GLRA2: variants seen among roughly 807,000 people sequenced by gnomAD.
GLRA2 encodes the protein glycine receptor subunit alpha-2.
A neutral mutation model predicts 31.6 loss-of-function variants in GLRA2; 11 were observed. The observed-to-expected ratio is 0.35, with a 90% CI of 0.22 to 0.58. The LOEUF (loss-of-function observed/expected upper bound fraction) is 0.58, where lower values mean the gene tolerates loss of function less well. GLRA2 is among the 20% of genes least tolerant of loss of function. The probability of loss-of-function intolerance (pLI) is 0.84; values close to 1 mark genes in which losing one functional copy is unlikely to be tolerated. For missense variants in GLRA2, 212 were observed against 351.8 expected (o/e 0.60, Z 3.18); for synonymous variants, 132 against 134.0 (o/e 0.99, Z 0.10).
chrX:14,469,765 C>T, the GLRA2 span, among the ~76,000 whole-genome samples: 460 of 105,400 alleles, frequency 4.4e-3, 5 homozygotes, highest in African/African-American at 0.015. Context: ...TTAATGGGTG[C>T]AGCACACCAG....
At chrX:14,496,651 T>C in the GLRA2 span, among the ~76,000 whole-genome samples, 1 of 112,266 alleles carries the variant, frequency 8.9e-6, no homozygotes, top group African/African-American at 3.2e-5. Context: ...AACTGTTTTC[T>C]AGATTCTTCA....
At position 14,708,125 on chromosome X, in the gene GLRA2, T is replaced by C. The variant is rs183070052; in HGVS notation, c.1080+17266T>C. On this transcript the variant is annotated intron_variant, in intron 8 of 8. Transcript: ENST00000218075. ...ACATTAGATCTCCAGAGCTTATTCA[T>C]CTCACAGAACTGAAACTTTGTATCC... 6.4e-3 allele frequency among the ~76,000 whole-genome samples: 714 copies of C among 111,553 alleles called. 3 individuals carry two copies. Among genetic ancestry groups the C allele is most frequent in the Admixed American group, 0.012 (131 of 10,502 alleles).
At chrX:14,682,992 A>G (rs1348909912) in intron 7 of GLRA2, among the ~76,000 whole-genome samples, 1 of 111,586 alleles carries the variant, frequency 9.0e-6, no homozygotes, top group Non-Finnish European at 1.9e-5. Flanking sequence ...GCTATTGTGA[A>G]TAGTGCCGCA....
At chrX:14,653,706 G>T (rs201274234) in intron 7 of GLRA2, among the ~76,000 whole-genome samples, 2 of 112,587 alleles carry the variant, frequency 1.8e-5, no homozygotes, top group East Asian at 5.6e-4. Context: ...TGAGAGGATT[G>T]AATCCAATTT....
At chrX:14,581,023 T>C (rs1358800907) in intron 3 of GLRA2, among the ~76,000 whole-genome samples, 160 bp from the exon 4 acceptor site, 2 of 111,615 alleles carry the variant, frequency 1.8e-5, no homozygotes, top group African/African-American at 6.5e-5. Flanking sequence ...TTGTCCCCTC[T>C]CCTAATAGAA....
At chrX:14,606,299 A>G (rs1450690840) in intron 5 of GLRA2, among the ~76,000 whole-genome samples, 1 of 111,083 alleles carries the variant, frequency 9.0e-6, no homozygotes, top group Non-Finnish European at 1.9e-5. Context: ...AAAGAAGAGT[A>G]GGCTTCATTT....
intron 7 of GLRA2, among the ~76,000 whole-genome samples, chrX:14,648,741 C>T (rs932236223): frequency 9.0e-6 from 1 of 111,488 alleles, no homozygotes; most frequent in African/African-American, 3.3e-5. Flanking sequence ...ATTTAATGCT[C>T]AACATCATTA....
At chrX:14,620,622 C>T (rs991344983) in intron 7 of GLRA2, among the ~76,000 whole-genome samples, 2 of 111,328 alleles carry the variant, frequency 1.8e-5, no homozygotes, top group Non-Finnish European at 3.8e-5. Flanking sequence ...CAAACTAAAG[C>T]AAACCATTTT....
At chrX:14,472,122 G>C in the GLRA2 span, among the ~76,000 whole-genome samples, 1 of 111,993 alleles carries the variant, frequency 8.9e-6, no homozygotes, top group East Asian at 2.8e-4. Context: ...CAGAATAGGT[G>C]ACCAGATCAA....
upstream of GLRA2, among the ~76,000 whole-genome samples, chrX:14,525,662 A>G (rs2089185115): frequency 9.0e-6 from 1 of 111,613 alleles, no homozygotes; most frequent in Admixed American, 9.5e-5. Flanking sequence ...TGTTAGAGGT[A>G]GAACTCGAAT....
intron 7 of GLRA2, among the ~76,000 whole-genome samples, chrX:14,646,411 A>G (rs1327116371): frequency 8.9e-6 from 1 of 112,397 alleles, no homozygotes; most frequent in Non-Finnish European, 1.9e-5. Context: ...ATTTAATCAA[A>G]CAACAAATGA....
the GLRA2 span, among the ~76,000 whole-genome samples, chrX:14,461,562 T>C: frequency 8.9e-6 from 1 of 112,089 alleles, no homozygotes; most frequent in Non-Finnish European, 1.9e-5. Flanking sequence ...TTTAGGATAG[T>C]TAGCTCTTCT....
At position 14,628,494 on chromosome X, in the gene GLRA2, T is replaced by C. The variant is rs144333250; in HGVS notation, c.930+19289T>C. 3.0e-4 allele frequency among the ~76,000 whole-genome samples: 33 copies of C among 111,748 alleles called. No homozygotes were observed. In the East Asian group the frequency reaches 7.6e-3, roughly 26 times the overall value. ...CCCTCAGAGAGCTCACATCCCACTG[T>C]AGAGACAAATATTAAGCACAAATTA... On this transcript the variant is annotated intron_variant, in intron 7 of 8. Coordinates refer to ENST00000218075, the MANE Select transcript of GLRA2 (RefSeq NM_002063.4).
chrX:14,620,850 C>A (rs185743879), intron 7 of GLRA2, among the ~76,000 whole-genome samples: 30 of 111,416 alleles, frequency 2.7e-4, no homozygotes, highest in Admixed American at 4.8e-4. Flanking sequence ...TCAAGAGCCA[C>A]TTGAAGTAGA....
At chrX:14,682,102 C>G (rs2091220229) in intron 7 of GLRA2, among the ~76,000 whole-genome samples, 1 of 103,919 alleles carries the variant, frequency 9.6e-6, no homozygotes, top group South Asian at 4.3e-4. Context: ...CAGATAAGTT[C>G]AATAGAGAGT....
chrX:14,526,520 G>T (rs2089188065), upstream of GLRA2, among the ~76,000 whole-genome samples: 1 of 111,749 alleles, frequency 8.9e-6, no homozygotes, highest in Non-Finnish European at 1.9e-5. Context: ...CTCAACTGGG[G>T]TCATGGAGGT....
intron 5 of GLRA2, among the ~76,000 whole-genome samples, chrX:14,605,406 CATAG>C (rs2090323566): frequency 9.0e-6 from 1 of 111,566 alleles, no homozygotes; most frequent in Non-Finnish European, 1.9e-5. Flanking sequence ...AAGAAGTTGT[CATAG>C]ATAAAATGAA....
chrX:14,450,537 T>G, the GLRA2 span, among the ~76,000 whole-genome samples: 20 of 111,556 alleles, frequency 1.8e-4, no homozygotes, highest in African/African-American at 5.9e-4. Context: ...AACAGATGCA[T>G]GGATAAGTAA....
intron 7 of GLRA2, among the ~76,000 whole-genome samples, chrX:14,671,944 C>T (rs940349472): frequency 5.3e-5 from 6 of 112,164 alleles, no homozygotes; most frequent in African/African-American, 1.9e-4. Flanking sequence ...TACTGGGACT[C>T]ACAGCTCTGA....
Sources: allele counts gnomAD v4.1 joint callset (sites outside exome capture counted in the v4.1 genomes callset), GRCh38; gene constraint gnomAD v4.1.1; transcripts MANE v1.5; gene names NCBI Gene and HGNC (gene_info 2026-07-23, HGNC 2026-07-21).